The following RBFOX1 variants were observed in gnomAD, a reference collection of about 807,000 sequenced individuals.
RBFOX1 encodes RNA binding fox-1 homolog 1.
RBFOX1 carries 8 observed loss-of-function variants against 57.7 expected under a neutral mutation model. That is an observed-to-expected ratio of 0.14 (90% confidence interval 0.08 to 0.25). RBFOX1 has a LOEUF of 0.25. RBFOX1 is among the 10% of genes least tolerant of loss of function. The pLI is 1.00. For missense variants in RBFOX1, 611 were observed against 548.5 expected (o/e 1.11, Z -1.14); for synonymous variants, 326 against 222.4 (o/e 1.47, Z -4.15).
intron 3 of RBFOX1, among the ~76,000 whole-genome samples, chr16:5,713,097 C>T (rs2051555492): frequency 6.6e-6 from 1 of 152,324 alleles, no homozygotes; most frequent in African/African-American, 2.4e-5. Flanking sequence ...TTTAAGCAAG[C>T]ATCCAAAACT....
rs1555545321 is a variant in RBFOX1, at chr16:6,193,375, T to TATATATATATATAC, written c.-126-123619_-126-123618insTATATATATATACA. Among the ~76,000 whole-genome samples, 56 of 64,862 alleles carry TATATATATATATAC rather than the reference T, an allele frequency of 8.6e-4. 1 individual carries two copies. The highest frequency in any genetic ancestry group is 2.2e-3 in the African/African-American group (51 of 22,838). The allele number at this position is 64,862 out of a possible 152,430, so 42.6% of individuals were successfully genotyped here. ...TATACATTATATATATATATATATA[T>TATATATATATATAC]ACATTATATATATATACTATATATA... is the stretch of plus-strand genomic sequence containing the variant. On this transcript the variant is annotated intron_variant, in intron 1 of 15. Coordinates refer to ENST00000550418, the MANE Select transcript of RBFOX1 (RefSeq NM_018723.4).
In RBFOX1 at chr16:6,848,011, A is replaced by T. The variant is rs1302218060; in HGVS notation, c.-16+193361A>T. Among the ~76,000 whole-genome samples, 3 of 152,000 alleles carry T rather than the reference A, an allele frequency of 2.0e-5. No homozygotes were observed. In the East Asian group the frequency reaches 5.8e-4, roughly 29 times the overall value. On this transcript the variant is annotated intron_variant, in intron 3 of 15. Coordinates refer to ENST00000550418, the MANE Select transcript of RBFOX1 (RefSeq NM_018723.4). Reference sequence around the variant, plus strand: ...TGCCCGGCTAATTTTTTTATTTTTAATAGAGACACGGGGTCTTACCATGTT... The same window carrying T: ...TGCCCGGCTAATTTTTTTATTTTTATTAGAGACACGGGGTCTTACCATGTT...
At chr16:6,552,603 T>A (rs1353927457) in intron 2 of RBFOX1, among the ~76,000 whole-genome samples, 1 of 152,152 alleles carries the variant, frequency 6.6e-6, no homozygotes, top group Non-Finnish European at 1.5e-5. Context: ...AATTTTGAGG[T>A]TTGATTCATC....
intron 3 of RBFOX1, among the ~76,000 whole-genome samples, chr16:6,695,428 A>G (rs1416358901): frequency 5.0e-5 from 5 of 100,586 alleles, no homozygotes; most frequent in Non-Finnish European, 1.2e-4. Context: ...AAAAAAAAAA[A>G]AAAAAAAAAG....
chr16:6,088,778 G>A lies in RBFOX1; in HGVS notation c.-127+68786G>A, dbSNP rs573920263. Among the ~76,000 whole-genome samples, 20 of 152,224 alleles carry A rather than the reference G, an allele frequency of 1.3e-4. No homozygotes were observed. The East Asian group carries it at 3.5e-3, about 27-fold the overall frequency. ...GTGTGAGTAATTTCCTGAAGAAGGGGTTTCATTCTTCAGATCCTCAAAAAG... is the reference window on the plus strand; with the variant it reads ...GTGTGAGTAATTTCCTGAAGAAGGGATTTCATTCTTCAGATCCTCAAAAAG... On this transcript the variant is annotated intron_variant, in intron 1 of 15. Transcript: ENST00000550418.
intron 2 of RBFOX1, among the ~76,000 whole-genome samples, chr16:5,468,364 C>T (rs924811854): frequency 3.3e-5 from 5 of 152,188 alleles, no homozygotes; most frequent in African/African-American, 1.2e-4. Context: ...CCTCTCCCTT[C>T]AGCCCCTGAC....
intron 11 of RBFOX1, among the ~76,000 whole-genome samples, chr16:7,646,227 C>T (rs534811474): frequency 6.6e-6 from 1 of 152,166 alleles, no homozygotes; most frequent in Admixed American, 6.5e-5. Context: ...GTTCATTGCA[C>T]GATGCCCTGC....
intron 4 of RBFOX1, among the ~76,000 whole-genome samples, chr16:5,971,734 G>C (rs1460116880): frequency 6.6e-6 from 1 of 152,178 alleles, no homozygotes; most frequent in Non-Finnish European, 1.5e-5. Context: ...TACATTTGCA[G>C]TTGTTATGTT....
At chr16:6,120,232 G>T (rs2096538888) in intron 1 of RBFOX1, among the ~76,000 whole-genome samples, 1 of 152,200 alleles carries the variant, frequency 6.6e-6, no homozygotes, top group Non-Finnish European at 1.5e-5. Flanking sequence ...TAGCTGCTAT[G>T]AATATTTATG....
chr16:5,828,183 C>T (rs7186211), intron 3 of RBFOX1, among the ~76,000 whole-genome samples: 78,904 of 151,640 alleles, frequency 0.52, 20,589 homozygotes, highest in East Asian at 0.64. Flanking sequence ...ATCCATCCTT[C>T]CATGTATCTG....
Position 7,547,642 on chromosome 16 carries a change from C to T in RBFOX1, c.270+29253C>T, listed in dbSNP as rs868124046. Among the ~76,000 whole-genome samples, 6 of 152,160 alleles carry T rather than the reference C, an allele frequency of 3.9e-5. No individual in the cohort carries two copies. In the East Asian group the frequency reaches 1.2e-3, roughly 29 times the overall value. On this transcript the variant is annotated intron_variant, in intron 5 of 15. Coordinates refer to ENST00000550418, the MANE Select transcript of RBFOX1 (RefSeq NM_018723.4). ...GAGGCAGGCATGACAAATAGCTGCACCATTAAAAGGCATGTGCATTTGCAA... is the reference window on the plus strand; with the variant it reads ...GAGGCAGGCATGACAAATAGCTGCATCATTAAAAGGCATGTGCATTTGCAA...
chr16:6,940,139 C>T lies in RBFOX1; in HGVS notation c.-15-111918C>T, dbSNP rs527516390. ...CCCAGGAGGCGGAGGTTGCAGTGAG[C>T]CAAGATCACGCTGCTCCACTCCAGT... On this transcript the variant is annotated intron_variant, in intron 3 of 15. Transcript: ENST00000550418. Among the ~76,000 whole-genome samples, 6 of 152,172 alleles carry T rather than the reference C, an allele frequency of 3.9e-5. No individual in the cohort carries two copies. In the South Asian group the frequency reaches 8.3e-4, roughly 21 times the overall value.
Position 6,708,385 on chromosome 16 carries a change from C to T in RBFOX1, c.-16+53735C>T, listed in dbSNP as rs529003484. Among the ~76,000 whole-genome samples the T allele has an allele frequency of 2.9e-3, 440 of 152,184 alleles. 4 individuals carry two copies. Among genetic ancestry groups the T allele is most frequent in the South Asian group, 0.025 (121 of 4,820 alleles). On this transcript the variant is annotated intron_variant, in intron 3 of 15. Coordinates refer to ENST00000550418, the MANE Select transcript of RBFOX1 (RefSeq NM_018723.4). ...GTTTTCTTACTTTCCATCATTTTTT[C>T]CTAAATCAGACAGGAGTTAAGTTCT... is the stretch of plus-strand genomic sequence containing the variant.
chr16:7,367,627 GTATATGTGCATCAGTCAGTTCAA>G, intron 4 of RBFOX1, among the ~76,000 whole-genome samples: 1 of 152,238 alleles, frequency 6.6e-6, no homozygotes, highest in African/African-American at 2.4e-5. Flanking sequence ...ACAACATTCT[GTATATGTGCATCAGTCAGTTCAA>G]TGGGAATAGT....
At chr16:5,999,776 G>T (rs1369457791) in intron 4 of RBFOX1, among the ~76,000 whole-genome samples, 1 of 149,708 alleles carries the variant, frequency 6.7e-6, no homozygotes, top group Non-Finnish European at 1.5e-5. Flanking sequence ...CAGGAGAATG[G>T]CGTGAACCTG....
chr16:6,267,313 T>G (rs767814682), intron 1 of RBFOX1, among the ~76,000 whole-genome samples: 1 of 152,230 alleles, frequency 6.6e-6, no homozygotes, highest in Non-Finnish European at 1.5e-5. Context: ...GTTTCTTAGG[T>G]CAATGAACTC....
At chr16:6,000,590 G>C (rs977864455) in intron 4 of RBFOX1, among the ~76,000 whole-genome samples, 2 of 152,112 alleles carry the variant, frequency 1.3e-5, no homozygotes, top group Non-Finnish European at 2.9e-5. Flanking sequence ...CTCTAGAACA[G>C]TGCCAGGAAA....
chr16:6,920,753 T>G (rs2074282608), intron 3 of RBFOX1, among the ~76,000 whole-genome samples: 1 of 152,192 alleles, frequency 6.6e-6, no homozygotes, highest in African/African-American at 2.4e-5. Context: ...TGCAGTGGGC[T>G]TTCCCTCTGT....
At chr16:7,667,664 T>G (rs1256053421) in intron 13 of RBFOX1, among the ~76,000 whole-genome samples, 1 of 136,420 alleles carries the variant, frequency 7.3e-6, no homozygotes, top group East Asian at 2.6e-4. Flanking sequence ...ATACCTCGAA[T>G]AGATTTAAAC....
Sources: gnomAD v4.1 joint callset for allele counts (sites outside exome capture counted in the v4.1 genomes callset) on GRCh38, gnomAD v4.1.1 for gene constraint, MANE v1.5 for transcripts, NCBI Gene and HGNC (gene_info 2026-07-23, HGNC 2026-07-21) for gene names.